The following RGS7 variants were observed in gnomAD, a reference collection of about 807,000 sequenced individuals.
The protein encoded by RGS7 is regulator of G-protein signaling 7.
RGS7 carries 27 observed loss-of-function variants against 81.1 expected under a neutral mutation model. That is an observed-to-expected ratio of 0.33 (90% CI 0.25 to 0.46). The LOEUF (loss-of-function observed/expected upper bound fraction) is 0.46, where lower values mean the gene tolerates loss of function less well. Ranked by LOEUF, RGS7 falls within the 20% of genes least tolerant of loss-of-function variation. The pLI, the probability that RGS7 is intolerant of heterozygous loss-of-function variation, is 1.00. For missense variants in RGS7, 396 were observed against 607.4 expected, an observed-to-expected ratio of 0.65 and a Z score of 3.66; for synonymous variants, 208 against 207.7, an observed-to-expected ratio of 1.00 and a Z score of -0.01.
At chr1:241,216,302 A>T (rs1298076640) in intron 2 of RGS7, among the ~76,000 whole-genome samples, 1 of 151,734 alleles carries the variant, frequency 6.6e-6, no homozygotes, top group Non-Finnish European at 1.5e-5. Flanking sequence ...AATAAAAATA[A>T]AAAAAGGAAG....
At chr1:240,962,516 C>T (rs1473484148) in intron 4 of RGS7, among the ~76,000 whole-genome samples, 4 of 152,176 alleles carry the variant, frequency 2.6e-5, no homozygotes, top group Non-Finnish European at 4.4e-5. Context: ...ACAAAACCCA[C>T]TAGACAAGGT....
intron 9 of RGS7, among the ~76,000 whole-genome samples, chr1:240,845,561 T>C (rs1425160739): frequency 6.6e-6 from 1 of 152,172 alleles, no homozygotes; most frequent in African/African-American, 2.4e-5. Flanking sequence ...ATTTGACTCT[T>C]AACCATATCA....
chr1:240,893,783 T>G (rs929020502), intron 6 of RGS7, among the ~76,000 whole-genome samples: 2 of 152,216 alleles, frequency 1.3e-5, no homozygotes, highest in East Asian at 3.8e-4. Flanking sequence ...AGATTAAAAG[T>G]TACTAAGCAT....
intron 2 of RGS7, among the ~76,000 whole-genome samples, chr1:241,161,862 C>T (rs546340594): frequency 4.6e-5 from 7 of 151,952 alleles, no homozygotes; most frequent in African/African-American, 1.2e-4. Context: ...GGATTACAGG[C>T]GCCTGCTACC....
intron 4 of RGS7, among the ~76,000 whole-genome samples, chr1:240,965,406 G>A (rs1344713654): frequency 6.6e-6 from 1 of 152,088 alleles, no homozygotes; most frequent in Non-Finnish European, 1.5e-5. Context: ...CGATTATTTG[G>A]TAAAATGCCT....
At chr1:241,250,466 ATT>A (rs112899877) in intron 2 of RGS7, among the ~76,000 whole-genome samples, 15 of 146,346 alleles carry the variant, frequency 1.0e-4, no homozygotes, top group African/African-American at 3.5e-4. Flanking sequence ...ATATTGTGGG[ATT>A]TTTTTTTTTT....
At chr1:241,198,933 A>G (rs1394749233) in intron 2 of RGS7, among the ~76,000 whole-genome samples, 1 of 152,198 alleles carries the variant, frequency 6.6e-6, no homozygotes, top group Non-Finnish European at 1.5e-5. Flanking sequence ...AATATTACAA[A>G]TTTGTGCTAA....
chr1:241,140,670 C>G (rs2067861132), intron 2 of RGS7, among the ~76,000 whole-genome samples: 1 of 152,116 alleles, frequency 6.6e-6, no homozygotes, highest in Non-Finnish European at 1.5e-5. Context: ...CTTGGCCTCT[C>G]AAAATGCTGA....
intron 2 of RGS7, among the ~76,000 whole-genome samples, chr1:241,327,133 AGAAAGAAAGAAAG>A (rs2081630154): frequency 4.5e-5 from 5 of 110,202 alleles, no homozygotes; most frequent in Admixed American, 1.8e-4. Flanking sequence ...AAAGAAAGAA[AGAAAGAAAGAAAG>A]GAAAGAAAGA....
At chr1:241,240,536 T>C (rs2076212650) in intron 2 of RGS7, among the ~76,000 whole-genome samples, 1 of 152,230 alleles carries the variant, frequency 6.6e-6, no homozygotes, top group African/African-American at 2.4e-5. Context: ...AGGTTGCCGC[T>C]TCTAAGGTAG....
intron 2 of RGS7, among the ~76,000 whole-genome samples, chr1:241,303,598 C>CT (rs1558294066): frequency 6.6e-6 from 1 of 152,072 alleles, no homozygotes; most frequent in Non-Finnish European, 1.5e-5. Context: ...TTTGGTAAAC[C>CT]TTTTTTTCAG....
chr1:240,899,655 C>G (rs916616306), intron 6 of RGS7, among the ~76,000 whole-genome samples: 2 of 152,210 alleles, frequency 1.3e-5, no homozygotes, highest in African/African-American at 4.8e-5. Flanking sequence ...GAGAGATCAG[C>G]TGTTAGTCTG....
intron 3 of RGS7, among the ~76,000 whole-genome samples, chr1:241,096,450 T>C (rs1347043275): frequency 6.6e-6 from 1 of 152,012 alleles, no homozygotes; most frequent in Non-Finnish European, 1.5e-5. Flanking sequence ...CGACAAAGCA[T>C]CTAATTGAAC....
intron 2 of RGS7, among the ~76,000 whole-genome samples, chr1:241,109,196 C>G (rs1391748709): frequency 6.6e-6 from 1 of 152,178 alleles, no homozygotes; most frequent in Non-Finnish European, 1.5e-5. Context: ...TTCCCACATG[C>G]TCAGCAATTG....
intron 3 of RGS7, among the ~76,000 whole-genome samples, chr1:241,030,377 T>TATACATACAC (rs71793632): frequency 6.2e-4 from 85 of 137,418 alleles, no homozygotes; most frequent in African/African-American, 2.2e-3. Context: ...TATATATACA[T>TATACATACAC]ACACACATAC....
At chr1:241,073,582 A>C (rs2062610732) in intron 3 of RGS7, among the ~76,000 whole-genome samples, 1 of 152,202 alleles carries the variant, frequency 6.6e-6, no homozygotes. Context: ...CTTATTCTTT[A>C]TTGTCAGTAA....
intron 4 of RGS7, among the ~76,000 whole-genome samples, chr1:240,939,916 T>A (rs1428774412): frequency 6.6e-6 from 1 of 151,540 alleles, no homozygotes; most frequent in Non-Finnish European, 1.5e-5. Context: ...CTAAAAAAAA[T>A]AAAAAATAAA....
intron 3 of RGS7, among the ~76,000 whole-genome samples, chr1:240,985,949 TTAAATAAATAAATAAA>T (rs71172667): frequency 0.03 from 4,338 of 144,606 alleles, 184 homozygotes; most frequent in African/African-American, 0.091. Flanking sequence ...CAGCTTTATA[TTAAATAAATAAATAAA>T]TAAATAAATA....
At chr1:241,242,436 A>G (rs1193662794) in intron 2 of RGS7, among the ~76,000 whole-genome samples, 1 of 152,160 alleles carries the variant, frequency 6.6e-6, no homozygotes, top group Non-Finnish European at 1.5e-5. Context: ...TGCTATAAAC[A>G]TGTGTGTACA....
Sources: allele counts gnomAD v4.1 joint callset (sites outside exome capture counted in the v4.1 genomes callset), GRCh38; gene constraint gnomAD v4.1.1; transcripts MANE v1.5; gene names NCBI Gene and HGNC (gene_info 2026-07-23, HGNC 2026-07-21).